The following CNTNAP5 variants were observed in gnomAD, a reference collection of about 807,000 sequenced individuals.
CNTNAP5 encodes contactin-associated protein-like 5.
In CNTNAP5, 72 loss-of-function variants were observed where a neutral mutation model predicts 150.2. The observed-to-expected ratio is 0.48, with a 90% CI of 0.40 to 0.58. The LOEUF (loss-of-function observed/expected upper bound fraction) is 0.58, where lower values mean the gene tolerates loss of function less well. CNTNAP5 is among the 20% of genes least tolerant of loss of function. The pLI is 0.00. For missense variants in CNTNAP5, 1,636 were observed against 1,626.2 expected (o/e 1.01, Z -0.10); for synonymous variants, 672 against 619.8 (o/e 1.08, Z -1.25).
chr2:124,198,406 T>G (rs1685641856), intron 1 of CNTNAP5, among the ~76,000 whole-genome samples: 1 of 146,434 alleles, frequency 6.8e-6, no homozygotes, highest in Non-Finnish European at 1.6e-5. Context: ...AAGCGCTTAG[T>G]TTTTTTTTCT....
chr2:124,909,726 C>G (rs1184138269), intron 22 of CNTNAP5, among the ~76,000 whole-genome samples: 1 of 148,860 alleles, frequency 6.7e-6, no homozygotes, highest in East Asian at 2.0e-4. Flanking sequence ...CTTTTATTGA[C>G]TCCTCTGATT....
At chr2:124,762,029 G>C (rs1212694485) in intron 14 of CNTNAP5, among the ~76,000 whole-genome samples, 1 of 152,024 alleles carries the variant, frequency 6.6e-6, no homozygotes, top group Admixed American at 6.6e-5. Context: ...ATTTCTTCAG[G>C]AGAGGATATG....
At chr2:124,856,117 A>T (rs1202833035) in intron 19 of CNTNAP5, among the ~76,000 whole-genome samples, 5 of 146,578 alleles carry the variant, frequency 3.4e-5, no homozygotes, top group Admixed American at 6.9e-5. Flanking sequence ...TGTGTGTATA[A>T]AAAAATAAAG....
At chr2:124,898,689 A>G (rs1678356655) in intron 21 of CNTNAP5, among the ~76,000 whole-genome samples, 1 of 151,660 alleles carries the variant, frequency 6.6e-6, no homozygotes. Context: ...TAGTAAATGG[A>G]AATGTAGTAG....
chr2:124,638,622 G>C (rs2105017160), intron 12 of CNTNAP5, among the ~76,000 whole-genome samples: 1 of 152,198 alleles, frequency 6.6e-6, no homozygotes, highest in African/African-American at 2.4e-5. Context: ...AGACAAATAT[G>C]CACACACTGG....
At chr2:124,792,110 C>A (rs1024215109) in intron 18 of CNTNAP5, among the ~76,000 whole-genome samples, 1 of 151,956 alleles carries the variant, frequency 6.6e-6, no homozygotes, top group Admixed American at 6.6e-5. Context: ...TTTACTATGG[C>A]GCAGTATATT....
intron 3 of CNTNAP5, among the ~76,000 whole-genome samples, chr2:124,261,770 A>T (rs1477887168): frequency 6.6e-6 from 1 of 152,204 alleles, no homozygotes; most frequent in Admixed American, 6.5e-5. Flanking sequence ...CTGTTCAGGT[A>T]CCAGTCCTCC....
intron 1 of CNTNAP5, among the ~76,000 whole-genome samples, chr2:124,071,458 C>A (rs1342980436): frequency 6.6e-6 from 1 of 151,574 alleles, no homozygotes; most frequent in African/African-American, 2.4e-5. Context: ...TTTAGCCAGA[C>A]TGACTAAGAA....
intron 3 of CNTNAP5, among the ~76,000 whole-genome samples, chr2:124,256,979 A>G (rs1687329987): frequency 6.6e-6 from 1 of 152,178 alleles, no homozygotes; most frequent in Non-Finnish European, 1.5e-5. Context: ...ATCTTTATGA[A>G]AAACAGAGGG....
chr2:124,591,226 T>C (rs1326970565), intron 11 of CNTNAP5, among the ~76,000 whole-genome samples: 2 of 152,152 alleles, frequency 1.3e-5, no homozygotes, highest in African/African-American at 4.8e-5. Context: ...ATGTTTATTT[T>C]GCTTTTCCTT....
chr2:124,669,976 T>C (rs1678776228), intron 13 of CNTNAP5, among the ~76,000 whole-genome samples: 1 of 152,178 alleles, frequency 6.6e-6, no homozygotes, highest in African/African-American at 2.4e-5. Context: ...ATGTGTTTCC[T>C]CCTGACTTCA....
At chr2:124,070,098 TGTTAA>T (rs1231106905) in intron 1 of CNTNAP5, among the ~76,000 whole-genome samples, 2 of 152,132 alleles carry the variant, frequency 1.3e-5, no homozygotes, top group Non-Finnish European at 1.5e-5. Flanking sequence ...ACGCAATTAG[TGTTAA>T]GTTGTCATCT....
intron 2 of CNTNAP5, among the ~76,000 whole-genome samples, chr2:124,239,152 C>T (rs375782088): frequency 6.6e-6 from 1 of 152,028 alleles, no homozygotes; most frequent in African/African-American, 2.4e-5. Flanking sequence ...TTTCTTTAGA[C>T]AAATTTGCAG....
At chr2:124,750,904 A>G (rs1045919071) in intron 14 of CNTNAP5, among the ~76,000 whole-genome samples, 3 of 150,356 alleles carry the variant, frequency 2.0e-5, no homozygotes, top group African/African-American at 7.3e-5. Flanking sequence ...GAATCACTTG[A>G]ACCCAGAAGG....
At chr2:124,056,427 A>G (rs967751133) in intron 1 of CNTNAP5, among the ~76,000 whole-genome samples, 9 of 152,142 alleles carry the variant, frequency 5.9e-5, no homozygotes, top group African/African-American at 1.7e-4. Flanking sequence ...GATCCAGAAC[A>G]TCCTGCCTAA....
intron 6 of CNTNAP5, among the ~76,000 whole-genome samples, chr2:124,461,601 A>G (rs938558059): frequency 3.3e-5 from 5 of 151,760 alleles, no homozygotes; most frequent in South Asian, 2.1e-4. Context: ...TGGGTGCAGC[A>G]CACCAGCATG....
At chr2:124,814,932 G>A (rs980269354) in intron 19 of CNTNAP5, among the ~76,000 whole-genome samples, 4 of 152,108 alleles carry the variant, frequency 2.6e-5, no homozygotes, top group African/African-American at 7.2e-5. Flanking sequence ...CATCAGCTCC[G>A]TAATGCTAAT....
chr2:124,312,178 T>TGAAGAG (rs1252847313), intron 3 of CNTNAP5, among the ~76,000 whole-genome samples: 1 of 152,212 alleles, frequency 6.6e-6, no homozygotes, highest in African/African-American at 2.4e-5. Flanking sequence ...GATAGCTTGC[T>TGAAGAG]GAAGAGCAAA....
At chr2:124,660,502 A>T (rs34860122) in intron 13 of CNTNAP5, among the ~76,000 whole-genome samples, 40,267 of 152,090 alleles carry the variant, frequency 0.26, 6,249 homozygotes, top group Non-Finnish European at 0.35. Flanking sequence ...ATAAAAAGAA[A>T]TAGGTGAAAT....
Sources: allele counts gnomAD v4.1 joint callset (sites outside exome capture counted in the v4.1 genomes callset), GRCh38; gene constraint gnomAD v4.1.1; transcripts MANE v1.5; gene names NCBI Gene and HGNC (gene_info 2026-07-23, HGNC 2026-07-21).